TMEM117: variants seen among roughly 807,000 people sequenced by gnomAD.
The protein encoded by TMEM117 is transmembrane protein 117.
TMEM117 carries 27 observed loss-of-function variants against 52.4 expected under a neutral mutation model. The observed-to-expected ratio is 0.51, with a 90% CI of 0.38 to 0.71. TMEM117 has a LOEUF of 0.71. Ranked by LOEUF, TMEM117 falls within the 30% of genes least tolerant of loss-of-function variation. The pLI is 0.00. For synonymous variants in TMEM117, 215 were observed against 206.3 expected (o/e 1.04, Z -0.36); for missense variants, 556 against 630.5 (o/e 0.88, Z 1.26).
At chr12:43,915,979 G>T (rs1054341478) in intron 2 of TMEM117, among the ~76,000 whole-genome samples, 3 of 152,050 alleles carry the variant, frequency 2.0e-5, no homozygotes, top group Non-Finnish European at 2.9e-5. Flanking sequence ...CTAGCAAAAG[G>T]ACTGCTGTGG....
chr12:44,253,673 A>G (rs1044919345), intron 5 of TMEM117, among the ~76,000 whole-genome samples: 1 of 152,154 alleles, frequency 6.6e-6, no homozygotes, highest in East Asian at 1.9e-4. Flanking sequence ...TTCACATCAT[A>G]GTGAAGCTGA....
At position 43,911,804 on chromosome 12, in the gene TMEM117, T is replaced by G. The variant is rs373023810; in HGVS notation, c.278-32406T>G. Among the ~76,000 whole-genome samples the G allele has an allele frequency of 3.3e-4, 37 of 113,672 alleles. No homozygotes were observed. In the South Asian group the frequency reaches 0.013, roughly 41 times the overall value. 74.6% of individuals were successfully genotyped at this position (113,672 alleles called of 152,430 possible). A position where few individuals can be genotyped will look rare whatever the true frequency, so the allele number is the denominator to read the frequency against. On this transcript the variant is annotated intron_variant, in intron 2 of 7. Coordinates refer to ENST00000266534, the MANE Select transcript of TMEM117 (RefSeq NM_032256.3). ...AATCAAAACCACAGTGAGATACCAT[T>G]TCACACCAGTTAGAATGGCAATCAT...
At chr12:43,817,590 CCTTT>C in the TMEM117 span, among the ~76,000 whole-genome samples, 1 of 152,040 alleles carries the variant, frequency 6.6e-6, no homozygotes, top group Non-Finnish European at 1.5e-5. Flanking sequence ...CTACATCATT[CCTTT>C]GAGTTAAGAA....
chr12:44,172,188 T>C (rs1459536102), intron 4 of TMEM117, among the ~76,000 whole-genome samples: 1 of 152,196 alleles, frequency 6.6e-6, no homozygotes, highest in Non-Finnish European at 1.5e-5. Flanking sequence ...ATTTACTGTC[T>C]ATATTAGATT....
At chr12:43,835,403 C>T (rs1410007422), upstream of TMEM117, among the ~76,000 whole-genome samples, 2 of 151,920 alleles carry the variant, frequency 1.3e-5, no homozygotes, top group African/African-American at 4.8e-5. Context: ...TATACGTGTG[C>T]TTATGTGTGT....
At chr12:44,254,011 C>CAAAAAAAA (rs199912435) in intron 5 of TMEM117, among the ~76,000 whole-genome samples, 2 of 90,094 alleles carry the variant, frequency 2.2e-5, no homozygotes, top group Non-Finnish European at 5.0e-5. Flanking sequence ...CTCATTTGAC[C>CAAAAAAAA]AAAAAAAAAA....
At chr12:43,914,508 A>G (rs546761963) in intron 2 of TMEM117, among the ~76,000 whole-genome samples, 3 of 152,178 alleles carry the variant, frequency 2.0e-5, no homozygotes, top group Non-Finnish European at 4.4e-5. Flanking sequence ...TCAGTGGAGA[A>G]CAAGACAGAC....
intron 5 of TMEM117, among the ~76,000 whole-genome samples, chr12:44,233,920 C>T (rs1170756225): frequency 6.6e-6 from 1 of 151,256 alleles, no homozygotes; most frequent in Non-Finnish European, 1.5e-5. Flanking sequence ...ATGTTAATTT[C>T]CTAATATTAA....
chr12:43,969,955 A>C (rs1231891829), intron 3 of TMEM117, among the ~76,000 whole-genome samples: 1 of 152,128 alleles, frequency 6.6e-6, no homozygotes, highest in African/African-American at 2.4e-5. Context: ...TTGCAGTTTC[A>C]GTTACTTGTG....
chr12:44,175,333 G>A (rs1163599946), intron 4 of TMEM117, among the ~76,000 whole-genome samples: 4 of 152,076 alleles, frequency 2.6e-5, no homozygotes, highest in Admixed American at 6.6e-5. Flanking sequence ...AAAATAGGGA[G>A]GAAGCAAGGA....
At chr12:44,158,191 G>A (rs974472430) in intron 4 of TMEM117, among the ~76,000 whole-genome samples, 1 of 152,152 alleles carries the variant, frequency 6.6e-6, no homozygotes, top group African/African-American at 2.4e-5. Context: ...CCTAGTCAGT[G>A]ACAATTATCA....
intron 5 of TMEM117, among the ~76,000 whole-genome samples, chr12:44,252,112 T>G (rs948844153): frequency 1.3e-5 from 2 of 152,274 alleles, no homozygotes; most frequent in African/African-American, 4.8e-5. Flanking sequence ...TTCACAAGCT[T>G]GCTGCATGCT....
intron 1 of TMEM117, among the ~76,000 whole-genome samples, chr12:43,838,934 A>T (rs1020183705): frequency 6.6e-6 from 1 of 152,118 alleles, no homozygotes. Flanking sequence ...AAAAAGTGTT[A>T]ATTACAAGTT....
chr12:44,296,353 G>T (rs544054099), intron 5 of TMEM117, among the ~76,000 whole-genome samples: 4 of 152,240 alleles, frequency 2.6e-5, no homozygotes, highest in Admixed American at 2.0e-4. Flanking sequence ...GTGCTTCAGG[G>T]TCCACAGCTG....
At chr12:44,034,399 G>A (rs565340481) in intron 3 of TMEM117, among the ~76,000 whole-genome samples, 1 of 152,282 alleles carries the variant, frequency 6.6e-6, no homozygotes, top group Non-Finnish European at 1.5e-5. Context: ...GCGTGGTATA[G>A]CATTGGTATT....
At chr12:44,254,487 A>G (rs1336963803) in intron 5 of TMEM117, among the ~76,000 whole-genome samples, 1 of 152,052 alleles carries the variant, frequency 6.6e-6, no homozygotes, top group Non-Finnish European at 1.5e-5. Flanking sequence ...AGTTTTTACT[A>G]GAAAAGATAA....
intron 3 of TMEM117, among the ~76,000 whole-genome samples, chr12:44,092,582 A>G (rs1947692766): frequency 6.6e-6 from 1 of 152,166 alleles, no homozygotes; most frequent in Admixed American, 6.6e-5. Flanking sequence ...CACACATAGG[A>G]GTGACTTTGC....
At chr12:44,334,692 A>G (rs1951317064) in intron 6 of TMEM117, among the ~76,000 whole-genome samples, 1 of 152,016 alleles carries the variant, frequency 6.6e-6, no homozygotes. Flanking sequence ...CTCTTTACTT[A>G]ACGCCTGGAT....
intron 4 of TMEM117, among the ~76,000 whole-genome samples, chr12:44,146,837 C>G (rs950702721): frequency 6.6e-6 from 1 of 152,042 alleles, no homozygotes; most frequent in Non-Finnish European, 1.5e-5. Flanking sequence ...CAAAGTGTGT[C>G]TTTTATATAT....
Sources: allele counts gnomAD v4.1 joint callset (sites outside exome capture counted in the v4.1 genomes callset), GRCh38; gene constraint gnomAD v4.1.1; transcripts MANE v1.5; gene names NCBI Gene and HGNC (gene_info 2026-07-23, HGNC 2026-07-21).